The following ALOX5AP variants were observed in gnomAD, a reference collection of about 807,000 sequenced individuals.
ALOX5AP encodes arachidonate 5-lipoxygenase activating protein, also known as arachidonate 5-lipoxygenase-activating protein.
In ALOX5AP, 9 loss-of-function variants were observed where a neutral mutation model predicts 18.5. The observed-to-expected ratio is 0.49, with a 90% CI of 0.29 to 0.85. The LOEUF (loss-of-function observed/expected upper bound fraction) is 0.85, where lower values mean the gene tolerates loss of function less well. Ranked by LOEUF, ALOX5AP falls within the 40% of genes least tolerant of loss-of-function variation. ALOX5AP has a pLI of 0.08. For synonymous variants in ALOX5AP, 81 were observed against 78.6 expected (o/e 1.03, Z -0.16); for missense variants, 172 against 202.5 (o/e 0.85, Z 0.91).
At chr13:30,732,532 C>T (rs1214333804), upstream of ALOX5AP, among the ~76,000 whole-genome samples, 1 of 152,184 alleles carries the variant, frequency 6.6e-6, no homozygotes, top group Non-Finnish European at 1.5e-5. Flanking sequence ...TAGTCAGTCC[C>T]CCTCTGCCAC....
chr13:30,728,939 T>C (rs1328338474), intron 1 of ALOX5AP, among the ~76,000 whole-genome samples: 6 of 152,256 alleles, frequency 3.9e-5, no homozygotes, highest in Non-Finnish European at 8.8e-5. Context: ...TTACCAGCAA[T>C]GATTGATAGT....
At chr13:30,753,110 G>A (rs1208021575) in intron 3 of ALOX5AP, among the ~76,000 whole-genome samples, 1 of 152,242 alleles carries the variant, frequency 6.6e-6, no homozygotes. Context: ...GCACAGGCCA[G>A]CTGGCAAGAT....
At chr13:30,756,502 A>G (rs1951895330) in intron 4 of ALOX5AP, among the ~76,000 whole-genome samples, 2 of 152,200 alleles carry the variant, frequency 1.3e-5, no homozygotes, top group Admixed American at 6.5e-5. Flanking sequence ...TGGGAAAATA[A>G]GATGCAGTAA....
intron 2 of ALOX5AP, among the ~76,000 whole-genome samples, chr13:30,750,656 A>C (rs2137821344): frequency 6.6e-6 from 1 of 152,264 alleles, no homozygotes; most frequent in Admixed American, 6.5e-5. Context: ...TGGCCCCCTC[A>C]CCAATCATGC....
At chr13:30,750,895 G>A (rs1951846496) in intron 2 of ALOX5AP, among the ~76,000 whole-genome samples, 1 of 152,166 alleles carries the variant, frequency 6.6e-6, no homozygotes, top group Admixed American at 6.5e-5. Context: ...TTTCAGGTTG[G>A]AAGGAGGTTC....
chr13:30,745,725 A>G (rs1444061612), intron 2 of ALOX5AP, among the ~76,000 whole-genome samples: 1 of 152,250 alleles, frequency 6.6e-6, no homozygotes, highest in African/African-American at 2.4e-5. Context: ...TCTTTGCACC[A>G]TCTGCAGAGA....
intron 1 of ALOX5AP, among the ~76,000 whole-genome samples, chr13:30,736,835 T>C (rs4075132): frequency 0.075 from 11,482 of 152,324 alleles, 668 homozygotes; most frequent in Admixed American, 0.17. Context: ...AAATGGCTTA[T>C]TTAGGCCACC....
chr13:30,754,290 A>G (rs1951874859), intron 3 of ALOX5AP, among the ~76,000 whole-genome samples: 1 of 152,152 alleles, frequency 6.6e-6, no homozygotes, highest in Non-Finnish European at 1.5e-5. Context: ...TCTGCCGGAT[A>G]ACAATAGTAT....
chr13:30,748,117 C>T (rs971968522), intron 2 of ALOX5AP, among the ~76,000 whole-genome samples: 1 of 152,004 alleles, frequency 6.6e-6, no homozygotes, highest in African/African-American at 2.4e-5. Flanking sequence ...CAGGGTTTCA[C>T]TATGCTGGCC....
exon 1 of ALOX5AP, chr13:30,713,532 G>T: frequency 1.8e-6 from 1 of 565,598 alleles, no homozygotes; most frequent in East Asian, 2.9e-5. Flanking sequence ...CAAAGATGGG[G>T]TTGAAAGGGC....
upstream of ALOX5AP, among the ~76,000 whole-genome samples, chr13:30,734,224 C>T (rs911880721): frequency 7.9e-5 from 12 of 152,146 alleles, no homozygotes; most frequent in Admixed American, 2.0e-4. Context: ...ATGACCAGCC[C>T]GACAGCCCTG....
At chr13:30,739,667 T>G (rs1379639164) in intron 1 of ALOX5AP, among the ~76,000 whole-genome samples, 1 of 152,188 alleles carries the variant, frequency 6.6e-6, no homozygotes, top group Non-Finnish European at 1.5e-5. Context: ...ACTCCTGACC[T>G]CAAGTCATCC....
At chr13:30,743,984 T>C in intron 1 of ALOX5AP, 76 bp from the exon 2 acceptor site, 1 of 1,254,574 alleles carries the variant, frequency 8.0e-7, no homozygotes, top group Non-Finnish European at 1.2e-6. Context: ...GCATTTAACA[T>C]TCTAGTAAAA....
chr13:30,713,590 C>T, exon 1 of ALOX5AP: 1 of 656,306 alleles, frequency 1.5e-6, no homozygotes, highest in East Asian at 2.7e-5. Context: ...TCCTGCACCC[C>T]ACCTTTGCCC....
At chr13:30,748,077 TC>T (rs1172663002) in intron 2 of ALOX5AP, among the ~76,000 whole-genome samples, 2 of 152,002 alleles carry the variant, frequency 1.3e-5, no homozygotes, top group Non-Finnish European at 2.9e-5. Flanking sequence ...CACCACCATG[TC>T]CGGCTAATTT....
intron 1 of ALOX5AP, among the ~76,000 whole-genome samples, chr13:30,719,967 T>C (rs1303504477): frequency 6.6e-6 from 1 of 152,124 alleles, no homozygotes; most frequent in Non-Finnish European, 1.5e-5. Context: ...GTTCAAGCAA[T>C]TCTCCTGCCT....
intron 1 of ALOX5AP, among the ~76,000 whole-genome samples, chr13:30,742,052 T>A (rs1290439245): frequency 6.6e-6 from 1 of 152,136 alleles, no homozygotes; most frequent in Non-Finnish European, 1.5e-5. Flanking sequence ...GCCTGGCGGC[T>A]CACGCCTGTA....
chr13:30,747,133 A>C (rs2137816791), intron 2 of ALOX5AP, among the ~76,000 whole-genome samples: 1 of 152,362 alleles, frequency 6.6e-6, no homozygotes, highest in South Asian at 2.1e-4. Flanking sequence ...GAGAGCTAAA[A>C]GGAATTGGAC....
At chr13:30,761,758 C>T (rs1951943759) in intron 4 of ALOX5AP, among the ~76,000 whole-genome samples, 1 of 152,208 alleles carries the variant, frequency 6.6e-6, no homozygotes. Flanking sequence ...TTCACATCAT[C>T]ACCTCACTGA....
Sources: allele counts gnomAD v4.1 joint callset (sites outside exome capture counted in the v4.1 genomes callset), GRCh38; gene constraint gnomAD v4.1.1; transcripts MANE v1.5; gene names NCBI Gene and HGNC (gene_info 2026-07-23, HGNC 2026-07-21).